The following TRPM1 variants were observed in gnomAD, a reference collection of about 807,000 sequenced individuals.
The protein encoded by TRPM1 is transient receptor potential cation channel subfamily M member 1.
A neutral mutation model predicts 149.4 loss-of-function variants in TRPM1; 113 were observed. The observed-to-expected ratio is 0.76, with a 90% confidence interval of 0.65 to 0.88. The LOEUF is 0.88. TRPM1 is among the 40% of genes least tolerant of loss of function. The pLI is 0.00. For missense variants in TRPM1, 1,976 were observed against 2,038.7 expected, an observed-to-expected ratio of 0.97 and a Z score of 0.59; for synonymous variants, 741 against 759.5, an observed-to-expected ratio of 0.98 and a Z score of 0.40.
In TRPM1 at chr15:31,158,097, T is replaced by A. The variant is rs569996905; in HGVS notation, c.54+2809A>T. Among the ~76,000 whole-genome samples the A allele has an allele frequency of 2.0e-3, 300 of 152,220 alleles. 2 individuals are homozygous for A. The highest frequency in any genetic ancestry group is 3.1e-3 in the Non-Finnish European group (212 of 68,010). ...ATGGCTTCCTTAAAGCCAGAGGTAT[T>A]GTCTTTCATTCTTCCACCAATAATT... On this transcript the variant is annotated intron_variant, in intron 1 of 26. Transcript: ENST00000542188.
intron 27 of TRPM1, among the ~76,000 whole-genome samples, chr15:31,025,006 G>A (rs2032673953): frequency 6.6e-6 from 1 of 152,150 alleles, no homozygotes; most frequent in African/African-American, 2.4e-5. Flanking sequence ...CCCCTCCTGT[G>A]GGCTGGGGCA....
intron 1 of TRPM1, among the ~76,000 whole-genome samples, chr15:31,155,279 G>A (rs1333545366): frequency 6.6e-6 from 1 of 152,222 alleles, no homozygotes; most frequent in South Asian, 2.1e-4. Flanking sequence ...TGAGCCGGGG[G>A]CGTGCCTGCT....
chr15:31,015,104 A>G (rs1331815938), intron 27 of TRPM1, among the ~76,000 whole-genome samples: 1 of 152,074 alleles, frequency 6.6e-6, no homozygotes, highest in African/African-American at 2.4e-5. Context: ...ATTTCATTTA[A>G]TATTAAAAGA....
Position 31,124,900 on chromosome 15 carries a change from G to T in TRPM1, c.54+36006C>A, listed in dbSNP as rs561842337. 5.9e-5 allele frequency among the ~76,000 whole-genome samples: 9 copies of T among 152,186 alleles called. No individual in the cohort carries two copies. In the East Asian group the frequency reaches 9.7e-4, roughly 16 times the overall value. On this transcript the variant is annotated intron_variant, in intron 1 of 26. Coordinates refer to the TRPM1 transcript ENST00000542188. ...TGTCAAAACTAAGAATGGGCTGGGC[G>T]CAGTGGCTTATGCCTGTAATCCCAA...
chr15:31,076,300 A>G (rs567021419), intron 3 of TRPM1, among the ~76,000 whole-genome samples: 135 of 152,294 alleles, frequency 8.9e-4, no homozygotes, highest in Non-Finnish European at 1.6e-3. Context: ...TGAATTTCAT[A>G]TTGGACGAAT....
chr15:31,141,830 T>A (rs1160382815), intron 1 of TRPM1, among the ~76,000 whole-genome samples: 1 of 152,208 alleles, frequency 6.6e-6, no homozygotes, highest in Non-Finnish European at 1.5e-5. Context: ...CAAATTGAGT[T>A]CTATTAATGA....
chr15:31,098,870 T>G (rs2035452999), intron 1 of TRPM1, among the ~76,000 whole-genome samples: 1 of 150,660 alleles, frequency 6.6e-6, no homozygotes, highest in African/African-American at 2.5e-5. Context: ...CCAGAAGCCG[T>G]GAGGGAGGGG....
At chr15:31,069,876 G>A (rs777489735) in intron 4 of TRPM1, 155 bp downstream of exon 4, 150 of 1,593,224 alleles carry the variant, frequency 9.4e-5, no homozygotes, top group Non-Finnish European at 1.3e-4. Context: ...TAAAAGCCAT[G>A]TGCACAGATA....
intron 1 of TRPM1, among the ~76,000 whole-genome samples, chr15:31,157,738 C>G (rs116528503): frequency 2.0e-5 from 3 of 152,150 alleles, no homozygotes; most frequent in Admixed American, 2.0e-4. Flanking sequence ...CGCTGTGCAC[C>G]CCAGTTGGTC....
intron 1 of TRPM1, among the ~76,000 whole-genome samples, chr15:31,107,208 T>G (rs1241298539): frequency 6.6e-6 from 1 of 152,212 alleles, no homozygotes; most frequent in Admixed American, 6.5e-5. Flanking sequence ...ATGGGAAGTT[T>G]AAATATTACT....
chr15:31,088,463 T>A (rs932298716), intron 1 of TRPM1, among the ~76,000 whole-genome samples: 1 of 152,214 alleles, frequency 6.6e-6, no homozygotes, highest in Non-Finnish European at 1.5e-5. Flanking sequence ...GTATGTGGCT[T>A]CACTCCTGAA....
intron 1 of TRPM1, among the ~76,000 whole-genome samples, chr15:31,153,710 C>T (rs2036332557): frequency 1.3e-5 from 2 of 152,220 alleles, no homozygotes. Flanking sequence ...GCCTCCCCTC[C>T]CCGCCCTTCA....
At chr15:31,103,813 CA>C (rs10706621), upstream of TRPM1, among the ~76,000 whole-genome samples, 42,277 of 115,120 alleles carry the variant, frequency 0.37, 6,076 homozygotes, top group East Asian at 0.75. Flanking sequence ...ACTCTGTATC[CA>C]AAAAAAAAAA....
chr15:31,046,126 T>G (rs769201182), intron 16 of TRPM1, 78 bp downstream of exon 16: 7 of 1,448,156 alleles, frequency 4.8e-6, no homozygotes, highest in Non-Finnish European at 6.8e-6. Flanking sequence ...TATCGTATAT[T>G]CGCAAATACA....
At chr15:31,089,235 G>T (rs372701499) in intron 1 of TRPM1, among the ~76,000 whole-genome samples, 2 of 152,178 alleles carry the variant, frequency 1.3e-5, no homozygotes, top group African/African-American at 4.8e-5. Flanking sequence ...TGTGGCCAGC[G>T]TGTCCCCCAC....
At chr15:31,144,448 A>G (rs1362643420) in intron 1 of TRPM1, among the ~76,000 whole-genome samples, 6 of 152,336 alleles carry the variant, frequency 3.9e-5, no homozygotes, top group Non-Finnish European at 7.3e-5. Flanking sequence ...AAATAAATGA[A>G]CAAATAAAAG....
chr15:31,126,343 A>C (rs1297111559), intron 1 of TRPM1, among the ~76,000 whole-genome samples: 1 of 152,218 alleles, frequency 6.6e-6, no homozygotes, highest in Non-Finnish European at 1.5e-5. Context: ...GACTGCATCC[A>C]ACAACTGCAG....
Position 31,027,153 on chromosome 15 carries a change from T to C in TRPM1, c.3294-36A>G, listed in dbSNP as rs760676576. 35 of 1,590,332 alleles carry C rather than the reference T, an allele frequency of 2.2e-5. No individual in the cohort carries two copies. In the East Asian group the frequency reaches 7.6e-4, roughly 35 times the overall value. The stretch of plus-strand genomic sequence containing the variant: ...AAGACATTTTTACAGTTAGTTATAT[T>C]ACTTTTTATAGTGATTTCCCAGAGC... On this transcript the variant is annotated intron_variant, in intron 25 of 27. Transcript: ENST00000256552.
intron 1 of TRPM1, among the ~76,000 whole-genome samples, chr15:31,083,399 C>T (rs1285558449): frequency 6.6e-6 from 1 of 152,142 alleles, no homozygotes. Context: ...CTCTTGAAAG[C>T]CCTCAGGATG....
Sources: allele counts gnomAD v4.1 joint callset (sites outside exome capture counted in the v4.1 genomes callset), GRCh38; gene constraint gnomAD v4.1.1; transcripts MANE v1.5; gene names NCBI Gene and HGNC (gene_info 2026-07-23, HGNC 2026-07-21).